Variants in TRAPPC9 observed in about 807,000 individuals in gnomAD.
TRAPPC9 encodes the protein trafficking protein particle complex subunit 9.
A neutral mutation model predicts 124.0 loss-of-function variants in TRAPPC9; 83 were observed. That is an observed-to-expected ratio of 0.67 (90% CI 0.56 to 0.80). The LOEUF (loss-of-function observed/expected upper bound fraction) is 0.80, where lower values mean the gene tolerates loss of function less well. Ranked by LOEUF, TRAPPC9 falls within the 30% of genes least tolerant of loss-of-function variation. TRAPPC9 has a pLI of 0.00. For synonymous variants in TRAPPC9, 638 were observed against 617.5 expected, an observed-to-expected ratio of 1.03 and a Z score of -0.49; for missense variants, 1,302 against 1,508.3, an observed-to-expected ratio of 0.86 and a Z score of 2.27.
rs1042657534 is a variant in TRAPPC9 at position 140,011,341 on chromosome 8, C to T, written c.2699+12596G>A. Among the ~76,000 whole-genome samples, 12 of 149,250 alleles carry T rather than the reference C, an allele frequency of 8.0e-5. No individual in the cohort carries two copies. In the East Asian group the frequency reaches 1.6e-3, roughly 20 times the overall value. ...TGGGCAACAGAGCAAGGGTCAGTCT[C>T]GAAAAATTTAAAAATAAAAATAATA... On this transcript the variant is annotated intron_variant, in intron 18 of 22. Coordinates refer to ENST00000438773, the MANE Select transcript of TRAPPC9 (RefSeq NM_001160372.4).
chr8:139,927,103 C>A (rs1832862015), intron 19 of TRAPPC9, among the ~76,000 whole-genome samples: 1 of 152,192 alleles, frequency 6.6e-6, no homozygotes, highest in East Asian at 1.9e-4. Context: ...AAATGTCAAA[C>A]TATCACAATG....
At chr8:140,037,809 A>G (rs1042252831) in intron 17 of TRAPPC9, among the ~76,000 whole-genome samples, 2 of 145,650 alleles carry the variant, frequency 1.4e-5, no homozygotes, top group Non-Finnish European at 3.0e-5. Flanking sequence ...CCCAACACAC[A>G]CACAGATACA....
chr8:139,905,782 A>G (rs1443305778), intron 20 of TRAPPC9, among the ~76,000 whole-genome samples: 1 of 152,186 alleles, frequency 6.6e-6, no homozygotes, highest in East Asian at 1.9e-4. Context: ...AGGGTTTAAG[A>G]AAAGATTTCC....
At chr8:140,122,451 G>A (rs927227228) in intron 17 of TRAPPC9, among the ~76,000 whole-genome samples, 1 of 152,192 alleles carries the variant, frequency 6.6e-6, no homozygotes, top group African/African-American at 2.4e-5. Context: ...GAAAGCAATA[G>A]ATAACTATTG....
chr8:140,083,343 G>A (rs369894464), intron 17 of TRAPPC9, among the ~76,000 whole-genome samples: 1 of 152,118 alleles, frequency 6.6e-6, no homozygotes, highest in East Asian at 1.9e-4. Flanking sequence ...TCTAACATTG[G>A]GAAAAATATT....
At chr8:139,774,061 G>A (rs1478216041) in intron 21 of TRAPPC9, among the ~76,000 whole-genome samples, 5 of 152,232 alleles carry the variant, frequency 3.3e-5, no homozygotes, top group Admixed American at 2.6e-4. Context: ...GCTGCAGGCT[G>A]CTGAGAGCGC....
At chr8:139,785,130 C>T (rs956425647) in intron 21 of TRAPPC9, among the ~76,000 whole-genome samples, 2 of 152,152 alleles carry the variant, frequency 1.3e-5, no homozygotes, top group Non-Finnish European at 2.9e-5. Context: ...TGCACATATA[C>T]GGACAAATGA....
intron 21 of TRAPPC9, among the ~76,000 whole-genome samples, chr8:139,857,403 C>T (rs1334867302): frequency 1.3e-5 from 2 of 152,230 alleles, no homozygotes; most frequent in East Asian, 1.9e-4. Flanking sequence ...CTCCCCACAT[C>T]CCAACAGCAA....
At chr8:140,214,459 A>G (rs769981551) in intron 17 of TRAPPC9, among the ~76,000 whole-genome samples, 12 of 152,208 alleles carry the variant, frequency 7.9e-5, no homozygotes, top group Non-Finnish European at 1.5e-4. Flanking sequence ...CAGGACTGTG[A>G]CTGACCTGGA....
intron 19 of TRAPPC9, among the ~76,000 whole-genome samples, chr8:139,980,051 C>CA (rs1836784525): frequency 6.6e-6 from 1 of 151,708 alleles, no homozygotes; most frequent in African/African-American, 2.4e-5. Context: ...CTGCAGGTAC[C>CA]CCCCAGTGAC....
chr8:140,234,533 C>T (rs1049438448), intron 16 of TRAPPC9, among the ~76,000 whole-genome samples: 2 of 152,116 alleles, frequency 1.3e-5, no homozygotes, highest in African/African-American at 2.4e-5. Context: ...TGGAATAAAA[C>T]AGATATGCAA....
chr8:140,014,994 T>G (rs1471384263), intron 18 of TRAPPC9, among the ~76,000 whole-genome samples: 1 of 152,216 alleles, frequency 6.6e-6, no homozygotes, highest in African/African-American at 2.4e-5. Flanking sequence ...ATTATCAGTA[T>G]CAGTGAGAGG....
chr8:139,944,215 T>C (rs913599273), intron 19 of TRAPPC9, among the ~76,000 whole-genome samples: 1 of 152,102 alleles, frequency 6.6e-6, no homozygotes, highest in South Asian at 2.1e-4. Flanking sequence ...TTACAAGAAA[T>C]GCTAGAAGAA....
intron 8 of TRAPPC9, among the ~76,000 whole-genome samples, chr8:140,367,723 C>T (rs1053085256): frequency 6.6e-6 from 1 of 152,116 alleles, no homozygotes; most frequent in African/African-American, 2.4e-5. Flanking sequence ...ATGTAAACTA[C>T]GAACTTTGGG....
At chr8:139,736,500 A>C (rs1003739360) in intron 21 of TRAPPC9, among the ~76,000 whole-genome samples, 1 of 152,186 alleles carries the variant, frequency 6.6e-6, no homozygotes, top group Non-Finnish European at 1.5e-5. Flanking sequence ...AAATCCCCTG[A>C]CGCTGACTCT....
chr8:139,976,511 G>A (rs1836481996), intron 19 of TRAPPC9, among the ~76,000 whole-genome samples: 1 of 152,156 alleles, frequency 6.6e-6, no homozygotes, highest in African/African-American at 2.4e-5. Flanking sequence ...CCAGGCATTT[G>A]ACAAAGGGCT....
intron 15 of TRAPPC9, among the ~76,000 whole-genome samples, chr8:140,275,185 C>T (rs2065074204): frequency 6.6e-6 from 1 of 152,182 alleles, no homozygotes; most frequent in Non-Finnish European, 1.5e-5. Flanking sequence ...ACAGGAGTAA[C>T]AGTTCCCCAA....
intron 21 of TRAPPC9, among the ~76,000 whole-genome samples, chr8:139,880,533 T>C (rs1227892720): frequency 6.6e-6 from 1 of 150,414 alleles, no homozygotes; most frequent in East Asian, 2.0e-4. Context: ...CTCCCCACCC[T>C]CCTCACAGGG....
chr8:140,233,993 T>G (rs1488936992), intron 16 of TRAPPC9, among the ~76,000 whole-genome samples: 1 of 152,154 alleles, frequency 6.6e-6, no homozygotes, highest in Admixed American at 6.6e-5. Flanking sequence ...GCTAATACAG[T>G]AGCCACTAGA....
Sources: allele counts gnomAD v4.1 joint callset (sites outside exome capture counted in the v4.1 genomes callset), GRCh38; gene constraint gnomAD v4.1.1; transcripts MANE v1.5; gene names NCBI Gene and HGNC (gene_info 2026-07-23, HGNC 2026-07-21).